The following TRIO variants were observed in gnomAD, a reference collection of about 807,000 sequenced individuals.
TRIO encodes the protein triple functional domain protein.
In TRIO, 58 loss-of-function variants were observed where a neutral mutation model predicts 351.9. The observed-to-expected ratio is 0.16, with a 90% CI of 0.13 to 0.21. The LOEUF (loss-of-function observed/expected upper bound fraction) is 0.21, where lower values mean the gene tolerates loss of function less well. TRIO is among the 10% of genes least tolerant of loss of function. TRIO has a pLI of 1.00. For missense variants in TRIO, 3,201 were observed against 4,027.8 expected, an observed-to-expected ratio of 0.79 and a Z score of 5.56; for synonymous variants, 1,758 against 1,595.7, an observed-to-expected ratio of 1.10 and a Z score of -2.42.
chr5:14,166,560 G>A (rs1277540007), intron 1 of TRIO, among the ~76,000 whole-genome samples: 3 of 152,098 alleles, frequency 2.0e-5, no homozygotes, highest in Non-Finnish European at 4.4e-5. Context: ...TTTCCGAGCT[G>A]CAGTTCATGT....
chr5:14,214,819 A>G (rs1468107864), intron 1 of TRIO, among the ~76,000 whole-genome samples: 6 of 152,230 alleles, frequency 3.9e-5, no homozygotes, highest in African/African-American at 1.4e-4. Flanking sequence ...TATTTCTGAC[A>G]AAGGTGAAAT....
At chr5:14,469,156 TAAAC>T (rs879678591) in intron 37 of TRIO, among the ~76,000 whole-genome samples, 15 of 151,794 alleles carry the variant, frequency 9.9e-5, no homozygotes, top group Admixed American at 7.2e-4. Context: ...AACAACAAAA[TAAAC>T]CAAAGAAAAG....
In TRIO at chr5:14,280,444, C is replaced by G; in HGVS notation, c.347+8C>G. 1 of 1,609,890 alleles carries G rather than the reference C, an allele frequency of 6.2e-7. No individual in the cohort carries two copies. Among genetic ancestry groups the G allele is most frequent in the Non-Finnish European group, 8.5e-7 (1 of 1,176,152 alleles). On this transcript the variant is annotated splice_region_variant and intron_variant, in intron 3 of 56. Coordinates refer to ENST00000344204, the MANE Select transcript of TRIO (RefSeq NM_007118.4). ...TCTAGCCTGTATTCCCAGGTAAGTT[C>G]TGTGTGGCTTGTGCTTGTCACTGAT... is the stretch of plus-strand genomic sequence containing the variant.
intron 1 of TRIO, among the ~76,000 whole-genome samples, chr5:14,212,792 A>G (rs907440947): frequency 6.6e-6 from 1 of 152,182 alleles, no homozygotes; most frequent in Non-Finnish European, 1.5e-5. Flanking sequence ...TAATTTACAC[A>G]TTGAATTTGC....
intron 34 of TRIO, among the ~76,000 whole-genome samples, chr5:14,425,548 TTCAGTCCTTCTGGGTGTA>T (rs373062356): frequency 0.038 from 5,862 of 152,296 alleles, 360 homozygotes; most frequent in African/African-American, 0.13. Flanking sequence ...AGTCCCTCCT[TTCAGTCCTTCTGGGTGTA>T]TACCCAGAAA....
chr5:14,402,840 G>A (rs1027091100), intron 31 of TRIO, among the ~76,000 whole-genome samples: 11 of 151,836 alleles, frequency 7.2e-5, no homozygotes, highest in African/African-American at 1.2e-4. Flanking sequence ...TAGTACAGGC[G>A]GTGGTAGTGC....
intron 34 of TRIO, among the ~76,000 whole-genome samples, chr5:14,437,931 C>T (rs915804716): frequency 1.1e-4 from 17 of 152,140 alleles, no homozygotes; most frequent in African/African-American, 4.1e-4. Flanking sequence ...CCCTTTTGTT[C>T]CTTCCCAGCA....
At chr5:14,340,918 C>A (rs1345940322) in intron 11 of TRIO, among the ~76,000 whole-genome samples, 2 of 152,180 alleles carry the variant, frequency 1.3e-5, no homozygotes, top group Non-Finnish European at 2.9e-5. Context: ...AGCCCATTTG[C>A]CCCTCAAGCC....
intron 28 of TRIO, among the ~76,000 whole-genome samples, chr5:14,395,985 G>T (rs570270976): frequency 1.4e-5 from 2 of 148,042 alleles, no homozygotes; most frequent in East Asian, 2.0e-4. Context: ...GGCAGAGCTT[G>T]CAGTGAGCCG....
intron 1 of TRIO, among the ~76,000 whole-genome samples, chr5:14,190,075 A>G (rs886866982): frequency 1.3e-5 from 2 of 152,058 alleles, no homozygotes; most frequent in African/African-American, 4.8e-5. Context: ...TTTAGTCAAC[A>G]GAGCTGGTTT....
At chr5:14,257,306 C>G (rs1225040699) in intron 1 of TRIO, among the ~76,000 whole-genome samples, 1 of 152,214 alleles carries the variant, frequency 6.6e-6, no homozygotes, top group Non-Finnish European at 1.5e-5. Flanking sequence ...TCTCACCTGT[C>G]CCACCTCCAT....
At position 14,479,293 on chromosome 5, in the gene TRIO, T is replaced by C; in HGVS notation, c.6186T>C (p.Cys2062=). The C allele has an allele frequency of 6.2e-7, 1 of 1,614,028 alleles. No homozygotes were observed. The highest frequency in any genetic ancestry group is 8.5e-7 in the Non-Finnish European group (1 of 1,179,976). The change falls in exon 42 of 57, where the codon TGT becomes TGC. Residue 2062 remains cysteine (C), a synonymous_variant. Coordinates refer to ENST00000344204, the MANE Select transcript of TRIO (RefSeq NM_007118.4). ...ERRLHMYIAY[C]QNKPKSEHIV... ...GGTTGCACATGTACATAGCTTATTG[T>C]CAAAATAAACCAAAGTCTGAGCACA...
chr5:14,329,570 AAT>A (rs1459705460), intron 9 of TRIO, among the ~76,000 whole-genome samples: 1 of 152,188 alleles, frequency 6.6e-6, no homozygotes, highest in African/African-American at 2.4e-5. Flanking sequence ...GTTGTTTATA[AAT>A]TACTCAGTCT....
Position 14,297,224 on chromosome 5 carries a change from G to A in TRIO, c.1329G>A (p.Leu443=). The part of the protein sequence containing the change: ...FAAALDERST[L]LDMSSIFHQK... ...CAGCCCTGGATGAGCGGAGCACCTT[G>A]CTGGACATGTCCTCCATTTTCCACC... Residue 443 remains leucine (L), a synonymous_variant, in exon 7 of 57, where the codon TTG becomes TTA. Coordinates refer to ENST00000344204, the MANE Select transcript of TRIO (RefSeq NM_007118.4). The A allele has an allele frequency of 6.2e-7, 1 of 1,614,194 alleles. No individual in the cohort carries two copies. Among genetic ancestry groups the A allele is most frequent in the South Asian group, 1.1e-5 (1 of 91,080 alleles).
chr5:14,205,836 G>A (rs551147201), intron 1 of TRIO, among the ~76,000 whole-genome samples: 25 of 151,442 alleles, frequency 1.7e-4, no homozygotes, highest in Non-Finnish European at 2.9e-4. Context: ...ATGTTTAAGC[G>A]ATTCTCGTGC....
Position 14,293,085 on chromosome 5 carries a change from A to T in TRIO, c.1127A>T (p.His376Leu), listed in dbSNP as rs1238325790. 2 of 1,614,082 alleles carry T rather than the reference A, an allele frequency of 1.2e-6. No homozygotes were observed. The highest frequency in any genetic ancestry group is 1.7e-6 in the Non-Finnish European group (2 of 1,180,028). The change falls in exon 6 of 57, where the codon CAT (histidine) becomes CTT (leucine). Residue 376 changes from histidine (H) to leucine (L), a missense_variant. Around this residue, in one of 19 missense-constraint regions of TRIO, gnomAD observed 349 missense variants for 449.3 expected, o/e 0.78. Transcript: ENST00000344204. ...SYTEIGTSHP[H>L]AMELQTQHNH... ...ACAGAGATTGGGACCAGCCACCCTC[A>T]TGCCATGGAGCTTCAGACGCAGCAC...
chr5:14,391,395 T>C (rs1044042028), intron 27 of TRIO, among the ~76,000 whole-genome samples: 4 of 152,252 alleles, frequency 2.6e-5, no homozygotes, highest in Admixed American at 6.5e-5. Flanking sequence ...TGTGAATCTT[T>C]TTATTTTTCC....
chr5:14,503,990 C>T (rs77415349), intron 54 of TRIO, among the ~76,000 whole-genome samples: 2,717 of 152,330 alleles, frequency 0.018, 57 homozygotes, highest in East Asian at 0.065. Context: ...CCACAGCAGA[C>T]GCACCTTTCA....
At chr5:14,471,616 CAGGACCTAATA>C (rs1754694773) in intron 38 of TRIO, 150 bp downstream of exon 38, 1 of 1,012,748 alleles carries the variant, frequency 9.9e-7, no homozygotes, top group Non-Finnish European at 1.4e-6. Context: ...GTAAAAGACT[CAGGACCTAATA>C]AGGGCACAGT....
Sources: gnomAD v4.1 joint callset for allele counts (sites outside exome capture counted in the v4.1 genomes callset) on GRCh38, gnomAD v4.1.1 for gene constraint, gnomAD v4.1.1 regional missense constraint, MANE v1.5 for transcripts, NCBI Gene and HGNC (gene_info 2026-07-23, HGNC 2026-07-21) for gene names.